IL1RAPL1: variants seen among roughly 807,000 people sequenced by gnomAD.
IL1RAPL1 encodes the protein interleukin 1 receptor accessory protein like 1.
IL1RAPL1 carries 3 observed loss-of-function variants against 48.4 expected under a neutral mutation model. That is an observed-to-expected ratio of 0.06 (90% CI 0.03 to 0.16). IL1RAPL1 has a LOEUF of 0.16. IL1RAPL1 is among the 10% of genes least tolerant of loss of function. IL1RAPL1 has a pLI of 1.00. For synonymous variants in IL1RAPL1, 185 were observed against 187.7 expected (o/e 0.99, Z 0.12); for missense variants, 349 against 530.6 (o/e 0.66, Z 3.36).
In IL1RAPL1 at chrX:29,163,083, AAAAG is replaced by A. The variant is rs1158648151; in HGVS notation, c.83-119844_83-119841del. Among the ~76,000 whole-genome samples, 66 of 110,406 alleles carry A rather than the reference AAAAG, an allele frequency of 6.0e-4. 2 individuals carry two copies. In the East Asian group the frequency reaches 0.01, roughly 17 times the overall value. On this transcript the variant is annotated intron_variant, in intron 2 of 10. Transcript: ENST00000378993. ...GCAAGACTCCGTCTCAAAAAAAAAA[AAAAG>A]AAAGAAAGAAGAAAAGTTCACTAAA...
chrX:29,706,968 C>T (rs1232945990), intron 6 of IL1RAPL1, among the ~76,000 whole-genome samples: 2 of 111,890 alleles, frequency 1.8e-5, no homozygotes. Flanking sequence ...AAAGCTTCTG[C>T]ACAGCAAAAG....
At chrX:28,887,069 C>T (rs1394623641) in intron 2 of IL1RAPL1, among the ~76,000 whole-genome samples, 1 of 111,810 alleles carries the variant, frequency 8.9e-6, no homozygotes, top group Non-Finnish European at 1.9e-5. Context: ...CCATATATCT[C>T]CAAGGTTTTA....
intron 1 of IL1RAPL1, among the ~76,000 whole-genome samples, chrX:28,699,511 G>A (rs760741642): frequency 3.2e-4 from 36 of 112,489 alleles, no homozygotes; most frequent in Non-Finnish European, 5.1e-4. Context: ...TCTTAATAGC[G>A]TAGCTGGATT....
intron 1 of IL1RAPL1, among the ~76,000 whole-genome samples, chrX:28,737,461 T>C (rs1220013882): frequency 1.8e-5 from 2 of 109,192 alleles, no homozygotes; most frequent in African/African-American, 6.7e-5. Context: ...TTTCATCATG[T>C]TGGCCAGGCT....
At chrX:29,133,786 T>A (rs1929071444) in intron 2 of IL1RAPL1, among the ~76,000 whole-genome samples, 1 of 111,939 alleles carries the variant, frequency 8.9e-6, no homozygotes, top group South Asian at 3.7e-4. Flanking sequence ...ACCATTACAG[T>A]ATCATACAGA....
chrX:29,037,118 G>A (rs776441061), intron 2 of IL1RAPL1, among the ~76,000 whole-genome samples: 11 of 111,797 alleles, frequency 9.8e-5, no homozygotes, highest in African/African-American at 2.9e-4. Context: ...TTCTGCTTCA[G>A]TGTTATACTG....
At chrX:28,956,813 A>T (rs1314915788) in intron 2 of IL1RAPL1, among the ~76,000 whole-genome samples, 1 of 106,558 alleles carries the variant, frequency 9.4e-6, no homozygotes, top group Non-Finnish European at 1.9e-5. Context: ...TTTTCTATTG[A>T]TTGGAATAGT....
chrX:29,168,140 A>G (rs1047140401), intron 2 of IL1RAPL1, among the ~76,000 whole-genome samples: 1 of 110,640 alleles, frequency 9.0e-6, no homozygotes, highest in Non-Finnish European at 1.9e-5. Context: ...GGATAAAATC[A>G]GGGTAATTAT....
At chrX:28,682,351 C>G (rs1418971495) in intron 1 of IL1RAPL1, among the ~76,000 whole-genome samples, 1 of 110,619 alleles carries the variant, frequency 9.0e-6, no homozygotes, top group Non-Finnish European at 1.9e-5. Context: ...TTCTGTCGCC[C>G]AGGCTGAAGT....
At chrX:28,814,341 TTGTGTG>T (rs753090480) in intron 2 of IL1RAPL1, among the ~76,000 whole-genome samples, 119 of 89,738 alleles carry the variant, frequency 1.3e-3, no homozygotes, top group South Asian at 3.0e-3. Context: ...ATTTTCAGGT[TTGTGTG>T]TGTGTGTGTG....
chrX:29,848,046 CAAATAG>C (rs1305499960), intron 6 of IL1RAPL1, among the ~76,000 whole-genome samples: 1 of 110,566 alleles, frequency 9.0e-6, no homozygotes, highest in Non-Finnish European at 1.9e-5. Flanking sequence ...ATACAATTCT[CAAATAG>C]AAGAGTTCAA....
At chrX:29,629,309 A>T (rs1411096811) in intron 5 of IL1RAPL1, among the ~76,000 whole-genome samples, 6 of 111,820 alleles carry the variant, frequency 5.4e-5, no homozygotes, top group African/African-American at 1.9e-4. Flanking sequence ...TACAAAGTGT[A>T]CTAAATGTTT....
At chrX:29,312,787 G>A (rs1932745729) in intron 3 of IL1RAPL1, among the ~76,000 whole-genome samples, 3 of 111,036 alleles carry the variant, frequency 2.7e-5, no homozygotes, top group Admixed American at 1.9e-4. Context: ...GGGAGGGAGC[G>A]GTGGAAGATA....
chrX:28,666,210 G>A (rs1407345661), intron 1 of IL1RAPL1, among the ~76,000 whole-genome samples: 5 of 111,787 alleles, frequency 4.5e-5, no homozygotes, highest in Non-Finnish European at 3.8e-5. Context: ...CAGGATGCCC[G>A]GTGAAAAAAA....
intron 3 of IL1RAPL1, among the ~76,000 whole-genome samples, chrX:29,385,600 A>G (rs1313772080): frequency 1.8e-5 from 2 of 112,826 alleles, no homozygotes; most frequent in African/African-American, 6.4e-5. Context: ...TTAATCATAC[A>G]ATATTTATCC....
chrX:29,171,825 GA>G (rs11323995), intron 2 of IL1RAPL1, among the ~76,000 whole-genome samples: 18,827 of 105,968 alleles, frequency 0.18, 1,519 homozygotes, highest in East Asian at 0.44. Context: ...TGGAGGGAAA[GA>G]AAAAAAAAAG....
chrX:29,939,705 A>G (rs151105289), intron 8 of IL1RAPL1, among the ~76,000 whole-genome samples: 87 of 111,922 alleles, frequency 7.8e-4, no homozygotes, highest in African/African-American at 2.8e-3. Flanking sequence ...TCTTAGATGC[A>G]TACAGTTCAA....
At chrX:29,935,565 A>G (rs1248161898) in intron 8 of IL1RAPL1, among the ~76,000 whole-genome samples, 1 of 111,970 alleles carries the variant, frequency 8.9e-6, no homozygotes, top group Non-Finnish European at 1.9e-5. Context: ...CTTAATTCAC[A>G]GAGAGAAAAA....
At chrX:29,688,728 T>TTCTC (rs71811113) in intron 6 of IL1RAPL1, among the ~76,000 whole-genome samples, 891 of 74,782 alleles carry the variant, frequency 0.012, 9 homozygotes, top group Middle Eastern at 0.031. Flanking sequence ...TCAGGGTTGC[T>TTCTC]TCTCTCTCTC....
Sources: allele counts gnomAD v4.1 joint callset (sites outside exome capture counted in the v4.1 genomes callset), GRCh38; gene constraint gnomAD v4.1.1; transcripts MANE v1.5; gene names NCBI Gene and HGNC (gene_info 2026-07-23, HGNC 2026-07-21).